ADAMTSL1: variants seen among roughly 807,000 people sequenced by gnomAD.
ADAMTSL1 encodes the protein ADAMTS like 1.
In ADAMTSL1, 126 loss-of-function variants were observed where a neutral mutation model predicts 201.8. That is an observed-to-expected ratio of 0.62 (90% confidence interval 0.54 to 0.72). ADAMTSL1 has a LOEUF of 0.72. Ranked by LOEUF, ADAMTSL1 falls within the 30% of genes least tolerant of loss-of-function variation. The pLI is 0.00. For synonymous variants in ADAMTSL1, 1,121 were observed against 903.4 expected (o/e 1.24, Z -4.32); for missense variants, 2,679 against 2,277.8 (o/e 1.18, Z -3.59).
intron 2 of ADAMTSL1, among the ~76,000 whole-genome samples, chr9:18,524,926 G>A (rs1014808609): frequency 1.3e-5 from 2 of 152,170 alleles, no homozygotes; most frequent in African/African-American, 4.8e-5. Context: ...TCTGTGCCAG[G>A]CTTTGGTATC....
intron 1 of ADAMTSL1, among the ~76,000 whole-genome samples, chr9:17,926,887 A>G (rs1826558958): frequency 6.6e-6 from 1 of 152,202 alleles, no homozygotes; most frequent in South Asian, 2.1e-4. Flanking sequence ...AAATTATTTT[A>G]AAACTTATGG....
chr9:18,770,914 A>G (rs1031851005), intron 17 of ADAMTSL1, 133 bp downstream of exon 17: 1 of 998,622 alleles, frequency 1.0e-6, no homozygotes, highest in Non-Finnish European at 1.4e-6. Context: ...TTTTGTAACC[A>G]TATATACCGT....
intron 1 of ADAMTSL1, among the ~76,000 whole-genome samples, chr9:18,074,679 C>T (rs568976915): frequency 5.3e-5 from 8 of 152,116 alleles, no homozygotes; most frequent in African/African-American, 1.9e-4. Flanking sequence ...CAATCTCTGC[C>T]TCCTGGGTTC....
At chr9:18,598,515 C>G (rs931463205) in intron 4 of ADAMTSL1, among the ~76,000 whole-genome samples, 15 of 152,076 alleles carry the variant, frequency 9.9e-5, no homozygotes, top group African/African-American at 3.4e-4. Flanking sequence ...GTCCCTTTCA[C>G]CATTACTAAG....
chr9:18,527,155 C>T (rs1480525147), intron 2 of ADAMTSL1, among the ~76,000 whole-genome samples: 1 of 152,090 alleles, frequency 6.6e-6, no homozygotes, highest in Non-Finnish European at 1.5e-5. Flanking sequence ...AGAAAAAAAC[C>T]AGATGGACCA....
chr9:18,468,317 T>C (rs1821084018), intron 2 of ADAMTSL1, among the ~76,000 whole-genome samples: 3 of 152,212 alleles, frequency 2.0e-5, no homozygotes, highest in Non-Finnish European at 4.4e-5. Flanking sequence ...GAGTTCTGTT[T>C]TGTTTTGTGT....
intron 1 of ADAMTSL1, among the ~76,000 whole-genome samples, chr9:18,501,935 C>G (rs533531452): frequency 6.6e-6 from 1 of 152,266 alleles, no homozygotes; most frequent in South Asian, 2.1e-4. Context: ...GAAACCTCAC[C>G]ATTGAAGCTT....
At chr9:18,783,662 G>A (rs1396422986) in intron 19 of ADAMTSL1, among the ~76,000 whole-genome samples, 7 of 152,176 alleles carry the variant, frequency 4.6e-5, no homozygotes, top group Non-Finnish European at 8.8e-5. Flanking sequence ...GCACAGAGCT[G>A]TTAGGTTAAC....
intron 1 of ADAMTSL1, among the ~76,000 whole-genome samples, chr9:18,141,776 C>T (rs1826408493): frequency 6.6e-6 from 1 of 152,198 alleles, no homozygotes; most frequent in African/African-American, 2.4e-5. Flanking sequence ...TCCTGTAGAT[C>T]TTGTCACTGA....
rs1202099721 is a variant in ADAMTSL1 at position 18,194,174 on chromosome 9, A to G, written c.207+30193A>G. Reference sequence around the variant, plus strand: ...AGAGCATTTGTTTGAACTCAGTGCTAAAGTGATGACCTTAGTCTCCTCCTT... The same window carrying G: ...AGAGCATTTGTTTGAACTCAGTGCTGAAGTGATGACCTTAGTCTCCTCCTT... On this transcript the variant is annotated intron_variant, in intron 2 of 29. Transcript: ENST00000680146. 3.9e-5 allele frequency among the ~76,000 whole-genome samples: 6 copies of G among 152,140 alleles called. No individual in the cohort carries two copies. In the South Asian group the frequency reaches 1.2e-3, roughly 32 times the overall value.
At chr9:18,269,000 T>A (rs1207939558) in intron 2 of ADAMTSL1, among the ~76,000 whole-genome samples, 1 of 152,142 alleles carries the variant, frequency 6.6e-6, no homozygotes, top group African/African-American at 2.4e-5. Flanking sequence ...AAATGGTATT[T>A]CTTATAGTTT....
intron 1 of ADAMTSL1, among the ~76,000 whole-genome samples, chr9:17,948,019 A>C (rs879416673): frequency 6.6e-6 from 1 of 152,140 alleles, no homozygotes; most frequent in Admixed American, 6.6e-5. Flanking sequence ...CTGTGGCTCC[A>C]GTGGTGGGTG....
chr9:18,627,714 T>A (rs1010647214), intron 5 of ADAMTSL1, among the ~76,000 whole-genome samples: 4 of 152,206 alleles, frequency 2.6e-5, no homozygotes, highest in African/African-American at 4.8e-5. Context: ...TTACATTGAG[T>A]CCACTCAGAT....
At chr9:17,951,509 T>G (rs2131374126) in intron 1 of ADAMTSL1, among the ~76,000 whole-genome samples, 1 of 152,316 alleles carries the variant, frequency 6.6e-6, no homozygotes, top group African/African-American at 2.4e-5. Flanking sequence ...TTAAATTGTA[T>G]CACAGCATGG....
At chr9:17,919,115 C>G (rs1409313458) in intron 1 of ADAMTSL1, among the ~76,000 whole-genome samples, 1 of 151,330 alleles carries the variant, frequency 6.6e-6, no homozygotes, top group Non-Finnish European at 1.5e-5. Context: ...GTATGACTTC[C>G]TAATTCTCTT....
At chr9:18,056,869 C>T (rs117408235) in intron 1 of ADAMTSL1, among the ~76,000 whole-genome samples, 2,196 of 152,226 alleles carry the variant, frequency 0.014, 17 homozygotes, top group Non-Finnish European at 0.022. Context: ...CTCTTCCTCA[C>T]TTTTCATTCA....
At chr9:18,836,130 A>C (rs1404814190) in intron 23 of ADAMTSL1, among the ~76,000 whole-genome samples, 1 of 152,178 alleles carries the variant, frequency 6.6e-6, no homozygotes, top group East Asian at 1.9e-4. Context: ...CCATCAGTAT[A>C]AAAGCATTCC....
At chr9:18,591,739 C>A (rs556038937) in intron 4 of ADAMTSL1, among the ~76,000 whole-genome samples, 1 of 152,172 alleles carries the variant, frequency 6.6e-6, no homozygotes, top group Non-Finnish European at 1.5e-5. Context: ...GGAGCCATTA[C>A]AATCAGTACA....
chr9:18,680,763 C>A, intron 11 of ADAMTSL1: 1 of 500,274 alleles, frequency 2.0e-6, no homozygotes, highest in Non-Finnish European at 3.6e-6. Flanking sequence ...AATGTTCCCT[C>A]AAATAGCACG....
Sources: gnomAD v4.1 joint callset for allele counts (sites outside exome capture counted in the v4.1 genomes callset) on GRCh38, gnomAD v4.1.1 for gene constraint, MANE v1.5 for transcripts, NCBI Gene and HGNC (gene_info 2026-07-23, HGNC 2026-07-21) for gene names.